Variants in SRD5A2 observed in about 807,000 individuals in gnomAD.
SRD5A2 encodes 3-oxo-5-alpha-steroid 4-dehydrogenase 2.
Under a neutral mutation model 27.4 loss-of-function variants are expected in SRD5A2, and 30 were observed. That is an observed-to-expected ratio of 1.10 (90% CI 0.82 to 1.49). The LOEUF is 1.49. SRD5A2 is among the 40% of genes most tolerant of loss of function. The pLI is 0.00. For synonymous variants in SRD5A2, 141 were observed against 133.6 expected (o/e 1.06, Z -0.38); for missense variants, 348 against 323.4 (o/e 1.08, Z -0.58).
intron 1 of SRD5A2, among the ~76,000 whole-genome samples, chr2:31,544,130 A>G (rs1666196588): frequency 6.6e-6 from 1 of 152,074 alleles, no homozygotes; most frequent in African/African-American, 2.4e-5. Flanking sequence ...CAGTATAGCA[A>G]GAAGATAGAA....
chr2:31,549,326 T>C (rs1213990572), intron 1 of SRD5A2, among the ~76,000 whole-genome samples: 1 of 151,426 alleles, frequency 6.6e-6, no homozygotes, highest in Non-Finnish European at 1.5e-5. Context: ...ATTAGCCAGG[T>C]TGGTCTCAAT....
chr2:31,539,220 G>A (rs1017402691), intron 1 of SRD5A2, among the ~76,000 whole-genome samples: 1 of 152,162 alleles, frequency 6.6e-6, no homozygotes, highest in Non-Finnish European at 1.5e-5. Context: ...ACAAAGCAGT[G>A]TGTTCCTGGA....
At chr2:31,529,580 CAT>C in intron 3 of SRD5A2, 123 bp from the exon 4 acceptor site, 1 of 1,332,988 alleles carries the variant, frequency 7.5e-7, no homozygotes, top group Non-Finnish European at 1.0e-6. Context: ...AGGCTCCCTC[CAT>C]AGTCATAGGA....
chr2:31,593,153 T>C, the SRD5A2 span, among the ~76,000 whole-genome samples: 1 of 152,082 alleles, frequency 6.6e-6, no homozygotes, highest in Admixed American at 6.6e-5. Context: ...GAGATATACC[T>C]AATGCTAAAT....
chr2:31,548,900 G>A (rs532642680), intron 1 of SRD5A2, among the ~76,000 whole-genome samples: 4 of 151,932 alleles, frequency 2.6e-5, no homozygotes, highest in African/African-American at 9.7e-5. Flanking sequence ...GCTTTATAAA[G>A]GAAGAAAATT....
chr2:31,542,843 G>C (rs1416904268), intron 1 of SRD5A2, among the ~76,000 whole-genome samples: 1 of 152,102 alleles, frequency 6.6e-6, no homozygotes, highest in African/African-American at 2.4e-5. Context: ...GAGAGTCCCA[G>C]ACAACGCAGA....
At chr2:31,645,660 G>A in the SRD5A2 span, among the ~76,000 whole-genome samples, 1 of 152,184 alleles carries the variant, frequency 6.6e-6, no homozygotes, top group African/African-American at 2.4e-5. Context: ...GTGTTCTAGG[G>A]AGGATTTAAT....
At chr2:31,661,034 G>T in the SRD5A2 span, among the ~76,000 whole-genome samples, 1 of 152,202 alleles carries the variant, frequency 6.6e-6, no homozygotes, top group Admixed American at 6.5e-5. Context: ...TCAGATTTTA[G>T]TCTAGCCACC....
At chr2:31,623,989 G>C in the SRD5A2 span, among the ~76,000 whole-genome samples, 1 of 152,092 alleles carries the variant, frequency 6.6e-6, no homozygotes. Context: ...ATGATGTGCT[G>C]CTAGATTTGG....
At chr2:31,638,522 T>C in the SRD5A2 span, among the ~76,000 whole-genome samples, 5 of 152,086 alleles carry the variant, frequency 3.3e-5, no homozygotes, top group African/African-American at 1.2e-4. Context: ...CAGTGGGGTG[T>C]TAAAGTCCCC....
the SRD5A2 span, among the ~76,000 whole-genome samples, chr2:31,595,875 A>T: frequency 6.6e-6 from 1 of 152,234 alleles, no homozygotes; most frequent in African/African-American, 2.4e-5. Context: ...TGGGTTTCAT[A>T]GCTGGGACGC....
intron 1 of SRD5A2, among the ~76,000 whole-genome samples, chr2:31,541,858 A>C (rs1171247030): frequency 6.6e-6 from 1 of 152,192 alleles, no homozygotes; most frequent in Non-Finnish European, 1.5e-5. Flanking sequence ...GGCTAAACTC[A>C]GCCAATGCCA....
chr2:31,626,289 C>G, the SRD5A2 span, among the ~76,000 whole-genome samples: 1 of 152,146 alleles, frequency 6.6e-6, no homozygotes, highest in Non-Finnish European at 1.5e-5. Flanking sequence ...AATATGCAAT[C>G]ATGTCATCTG....
the SRD5A2 span, among the ~76,000 whole-genome samples, chr2:31,605,613 T>C: frequency 3.3e-5 from 5 of 151,972 alleles, no homozygotes; most frequent in African/African-American, 1.2e-4. Flanking sequence ...TCATCCCATT[T>C]AAAATGGCTT....
At chr2:31,616,050 G>A in the SRD5A2 span, among the ~76,000 whole-genome samples, 2 of 152,156 alleles carry the variant, frequency 1.3e-5, no homozygotes, top group South Asian at 2.1e-4. Context: ...CTAAATCTCA[G>A]AGGATGCATG....
intron 1 of SRD5A2, among the ~76,000 whole-genome samples, chr2:31,539,389 T>C (rs764657864): frequency 6.6e-6 from 1 of 152,204 alleles, no homozygotes; most frequent in Non-Finnish European, 1.5e-5. Context: ...TTTTAGAATA[T>C]AGTTGCTTTG....
the SRD5A2 span, among the ~76,000 whole-genome samples, chr2:31,586,212 C>T: frequency 1.3e-5 from 2 of 152,106 alleles, no homozygotes; most frequent in Admixed American, 6.6e-5. Flanking sequence ...CACTTTCCCC[C>T]GAGTCCCCCC....
intron 1 of SRD5A2, among the ~76,000 whole-genome samples, chr2:31,571,613 A>C (rs1666851182): frequency 6.6e-6 from 1 of 152,190 alleles, no homozygotes. Flanking sequence ...ATATCTGCAA[A>C]CTGTGCATCT....
the SRD5A2 span, among the ~76,000 whole-genome samples, chr2:31,635,849 G>A: frequency 2.6e-5 from 4 of 152,006 alleles, no homozygotes; most frequent in African/African-American, 9.7e-5. Flanking sequence ...TTTCAAAGAT[G>A]AGTTAATTGT....
Sources: gnomAD v4.1 joint callset for allele counts (sites outside exome capture counted in the v4.1 genomes callset) on GRCh38, gnomAD v4.1.1 for gene constraint, MANE v1.5 for transcripts, NCBI Gene and HGNC (gene_info 2026-07-23, HGNC 2026-07-21) for gene names.